PTPN2: variants seen among roughly 807,000 people sequenced by gnomAD.
PTPN2 encodes tyrosine-protein phosphatase non-receptor type 2.
PTPN2 carries 19 observed loss-of-function variants against 57.3 expected under a neutral mutation model. The observed-to-expected ratio is 0.33, with a 90% CI of 0.23 to 0.49. PTPN2 has a LOEUF of 0.49. Ranked by LOEUF, PTPN2 falls within the 20% of genes least tolerant of loss-of-function variation. PTPN2 has a pLI of 0.99. For missense variants in PTPN2, 358 were observed against 501.1 expected (o/e 0.71, Z 2.73); for synonymous variants, 153 against 164.9 (o/e 0.93, Z 0.55).
At chr18:12,835,053 C>T (rs538062463) in intron 3 of PTPN2, among the ~76,000 whole-genome samples, 1 of 152,030 alleles carries the variant, frequency 6.6e-6, no homozygotes, top group African/African-American at 2.4e-5. Context: ...CCATGAATAC[C>T]GTATTTCCGA....
intron 1 of PTPN2, among the ~76,000 whole-genome samples, chr18:12,870,262 T>C (rs2044143007): frequency 9.4e-6 from 1 of 105,928 alleles, no homozygotes; most frequent in Non-Finnish European, 1.7e-5. Context: ...CTTTAGCATA[T>C]ATATATATAT....
chr18:12,814,767 C>T (rs960515374), intron 6 of PTPN2, among the ~76,000 whole-genome samples: 8 of 151,900 alleles, frequency 5.3e-5, no homozygotes, highest in African/African-American at 1.9e-4. Context: ...ACTACAGACA[C>T]GATGTCTGGA....
At chr18:12,796,694 G>A (rs2041202728) in intron 8 of PTPN2, among the ~76,000 whole-genome samples, 1 of 152,124 alleles carries the variant, frequency 6.6e-6, no homozygotes, top group African/African-American at 2.4e-5. Context: ...CTCCTGCTAT[G>A]CAGAACTTTG....
At chr18:12,823,607 G>A (rs1474334416) in intron 5 of PTPN2, among the ~76,000 whole-genome samples, 1 of 152,058 alleles carries the variant, frequency 6.6e-6, no homozygotes, top group East Asian at 1.9e-4. Context: ...TCCAGGAGGT[G>A]GAGGCTGCAA....
At chr18:12,840,967 C>T (rs1254056379) in intron 2 of PTPN2, 1 of 1,452,970 alleles carries the variant, frequency 6.9e-7, no homozygotes, top group Admixed American at 2.5e-5. Flanking sequence ...TGAATACTTT[C>T]AGCAATCATA....
chr18:12,801,936 C>T (rs2041444565), intron 8 of PTPN2, 34 bp downstream of exon 8: 8 of 1,519,750 alleles, frequency 5.3e-6, no homozygotes, highest in Non-Finnish European at 7.1e-6. Flanking sequence ...ATAAAAAAGC[C>T]TCATCTTTCA....
intron 8 of PTPN2, chr18:12,801,759 A>G (rs775124583): frequency 3.8e-6 from 2 of 519,840 alleles, no homozygotes; most frequent in Non-Finnish European, 6.9e-6. Context: ...TGTAGAGATA[A>G]GGTCTCACTA....
intron 8 of PTPN2, among the ~76,000 whole-genome samples, chr18:12,797,060 A>C (rs1044386384): frequency 6.6e-6 from 1 of 152,116 alleles, no homozygotes; most frequent in Non-Finnish European, 1.5e-5. Context: ...TGACTTGCAA[A>C]AATTCTTACT....
chr18:12,852,191 A>AACACACACACACACAC (rs139964591), intron 2 of PTPN2, among the ~76,000 whole-genome samples: 4,264 of 140,420 alleles, frequency 0.03, 94 homozygotes, highest in Admixed American at 0.056. Context: ...ATGGGTTTTT[A>AACACACACACACACAC]ACACACACAC....
Position 12,807,586 on chromosome 18 carries a change from A to AATATATAT in PTPN2, c.859-5443_859-5436dup, listed in dbSNP as rs1339941310. ...AAATGTGGAAAAAAAAAAAAAAAAA[A>AATATATAT]ATATATATATATATATATAATATAA... On this transcript the variant is annotated intron_variant, in intron 7 of 8. Coordinates refer to ENST00000309660, the MANE Select transcript of PTPN2 (RefSeq NM_002828.4). 2.0e-3 allele frequency among the ~76,000 whole-genome samples: 72 copies of AATATATAT among 35,180 alleles called. 1 individual carries two copies. The South Asian group carries it at 0.028, about 14-fold the overall frequency. The allele number at this position is 35,180 out of a possible 152,430, so 23.1% of individuals were successfully genotyped here.
intron 1 of PTPN2, 71 bp downstream of exon 1, chr18:12,884,002 G>A (rs975767822): frequency 1.5e-5 from 20 of 1,349,280 alleles, no homozygotes; most frequent in Non-Finnish European, 1.8e-5. Flanking sequence ...AGGCGGGAGG[G>A]ACCCTGCGGA....
chr18:12,824,401 C>T (rs906282278), intron 5 of PTPN2, among the ~76,000 whole-genome samples: 1 of 152,128 alleles, frequency 6.6e-6, no homozygotes, highest in Non-Finnish European at 1.5e-5. Flanking sequence ...TCAAGGGATC[C>T]ACCATAAAAG....
intron 2 of PTPN2, chr18:12,840,648 T>TCA: frequency 1.3e-6 from 2 of 1,551,386 alleles, no homozygotes; most frequent in Non-Finnish European, 1.7e-6. Flanking sequence ...GGAAGTCAAG[T>TCA]CATCACAAGT....
intron 2 of PTPN2, among the ~76,000 whole-genome samples, chr18:12,837,414 T>G (rs1376494703): frequency 6.6e-6 from 1 of 152,194 alleles, no homozygotes; most frequent in African/African-American, 2.4e-5. Flanking sequence ...GTTGGAATAT[T>G]CCAACTGTAT....
chr18:12,807,473 G>T (rs1050316507), intron 7 of PTPN2, among the ~76,000 whole-genome samples: 2 of 148,216 alleles, frequency 1.3e-5, no homozygotes, highest in African/African-American at 4.9e-5. Context: ...AAGGCATATC[G>T]GCACTCCTGT....
rs1568168368 is a variant in PTPN2 at position 12,870,310 on chromosome 18, CATATATAT to C, written c.70-11064_70-11057del. On this transcript the variant is annotated intron_variant, in intron 1 of 8. Transcript: ENST00000309660. ...ATATACATATATATGTGTATATATACATATATATGTGTATATATATGTATATATATACA... is the reference window on the plus strand; with the variant it reads ...ATATACATATATATGTGTATATATACGTGTATATATATGTATATATATACA... Among the ~76,000 whole-genome samples the C allele has an allele frequency of 6.4e-3, 366 of 57,494 alleles. 37 individuals carry two copies. Among genetic ancestry groups the C allele is most frequent in the South Asian group, 0.026 (57 of 2,220 alleles). The allele number at this position is 57,494 out of a possible 152,430, so 37.7% of individuals were successfully genotyped here. A position where few individuals can be genotyped will look rare whatever the true frequency, so the allele number is the denominator to read the frequency against.
chr18:12,801,066 T>A (rs1337137840), intron 8 of PTPN2, among the ~76,000 whole-genome samples: 1 of 152,252 alleles, frequency 6.6e-6, no homozygotes, highest in African/African-American at 2.4e-5. Context: ...TTCTGTACCA[T>A]ACCATATATT....
At chr18:12,825,100 C>G (rs971108669) in intron 5 of PTPN2, among the ~76,000 whole-genome samples, 1 of 151,654 alleles carries the variant, frequency 6.6e-6, no homozygotes, top group East Asian at 1.9e-4. Flanking sequence ...AACCAATCAA[C>G]CAACCAACCA....
intron 5 of PTPN2, among the ~76,000 whole-genome samples, chr18:12,823,230 C>T (rs1184271757): frequency 6.6e-6 from 1 of 152,094 alleles, no homozygotes; most frequent in Non-Finnish European, 1.5e-5. Context: ...ATCCAGTGAT[C>T]ATGTCATTAT....
Sources: gnomAD v4.1 joint callset for allele counts (sites outside exome capture counted in the v4.1 genomes callset) on GRCh38, gnomAD v4.1.1 for gene constraint, MANE v1.5 for transcripts, NCBI Gene and HGNC (gene_info 2026-07-23, HGNC 2026-07-21) for gene names.